RIMS2: variants seen among roughly 807,000 people sequenced by gnomAD.
RIMS2 encodes regulating synaptic membrane exocytosis protein 2.
RIMS2 carries 59 observed loss-of-function variants against 174.4 expected under a neutral mutation model. The observed-to-expected ratio is 0.34, with a 90% CI of 0.27 to 0.42. RIMS2 has a LOEUF of 0.42. RIMS2 is among the 10% of genes least tolerant of loss of function. RIMS2 has a pLI of 1.00. For synonymous variants in RIMS2, 606 were observed against 572.5 expected, an observed-to-expected ratio of 1.06 and a Z score of -0.84; for missense variants, 1,620 against 1,666.3, an observed-to-expected ratio of 0.97 and a Z score of 0.48.
intron 1 of RIMS2, among the ~76,000 whole-genome samples, chr8:103,529,259 C>T (rs1238982773): frequency 6.6e-6 from 1 of 152,104 alleles, no homozygotes; most frequent in East Asian, 1.9e-4. Flanking sequence ...TGAGACTTTG[C>T]TGAAGTTGCT....
At chr8:103,607,994 C>T (rs905851663) in intron 1 of RIMS2, among the ~76,000 whole-genome samples, 18 of 147,618 alleles carry the variant, frequency 1.2e-4, no homozygotes, top group Non-Finnish European at 1.9e-4. Context: ...GCCTTCTTCT[C>T]TCAGCTCGTC....
intron 1 of RIMS2, among the ~76,000 whole-genome samples, chr8:103,571,927 T>C (rs1211698769): frequency 6.6e-6 from 1 of 152,186 alleles, no homozygotes; most frequent in Non-Finnish European, 1.5e-5. Flanking sequence ...CCTCACATAT[T>C]TCTAATGCAA....
intron 19 of RIMS2, among the ~76,000 whole-genome samples, chr8:104,229,074 A>G (rs1247496248): frequency 6.6e-5 from 10 of 152,242 alleles, no homozygotes; most frequent in Admixed American, 6.5e-4. Flanking sequence ...TTAATATAAA[A>G]GTAAAATTAA....
chr8:103,922,246 T>C (rs937400777), intron 10 of RIMS2, among the ~76,000 whole-genome samples: 2 of 151,914 alleles, frequency 1.3e-5, no homozygotes, highest in Non-Finnish European at 2.9e-5. Flanking sequence ...TGCTATGAAA[T>C]AAAATGATAC....
Position 104,199,947 on chromosome 8 carries a change from G to A in RIMS2, c.3335-44969G>A, listed in dbSNP as rs145743931. Among the ~76,000 whole-genome samples the A allele has an allele frequency of 1.3e-3, 194 of 152,254 alleles. 1 individual carries two copies. The highest frequency in any genetic ancestry group is 4.1e-3 in the African/African-American group (171 of 41,540). ...GGTCCTACTTGGGGAAAGGAGGTAG[G>A]GAATGGCATGACAAATGAAATTGCC... On this transcript the variant is annotated intron_variant, in intron 19 of 23. Transcript: ENST00000504942.
rs925500150 is a variant in RIMS2, at chr8:103,918,501, A to G, written c.2083+14A>G. The G allele has an allele frequency of 2.5e-6, 4 of 1,575,820 alleles. No homozygotes were observed. The highest frequency in any genetic ancestry group is 1.7e-5 in the Admixed American group (1 of 59,890). Reference sequence around the variant, plus strand: ...AACTGGAGTCCAGTAAGTTTTATTTATGCTGGAAGAAAACGTTATTTATAA... The same window carrying G: ...AACTGGAGTCCAGTAAGTTTTATTTGTGCTGGAAGAAAACGTTATTTATAA... On this transcript the variant is annotated intron_variant, in intron 9 of 23. Coordinates refer to ENST00000504942, the Ensembl canonical transcript of RIMS2.
intron 3 of RIMS2, among the ~76,000 whole-genome samples, chr8:103,846,001 A>G (rs969570233): frequency 5.9e-5 from 9 of 152,248 alleles, no homozygotes; most frequent in African/African-American, 2.2e-4. Context: ...CAAACAAACC[A>G]TTCTTAAACT....
At chr8:103,900,309 C>T (rs1379052520) in intron 4 of RIMS2, among the ~76,000 whole-genome samples, 2 of 151,574 alleles carry the variant, frequency 1.3e-5, no homozygotes, top group Non-Finnish European at 2.9e-5. Context: ...CTACAGTCTC[C>T]ACCTCCTGGG....
intron 3 of RIMS2, among the ~76,000 whole-genome samples, chr8:103,779,017 A>G (rs2098353086): frequency 1.3e-5 from 2 of 152,092 alleles, no homozygotes; most frequent in African/African-American, 2.4e-5. Context: ...AACATTTTTC[A>G]TATACCTGTT....
At chr8:104,253,352 G>A (rs1311716584), downstream of RIMS2, 1 of 151,928 alleles carries the variant, frequency 6.6e-6, no homozygotes, top group Non-Finnish European at 1.5e-5. Flanking sequence ...CTAAAAATTG[G>A]GAACCCTGAA....
At chr8:103,678,171 T>C (rs1260211423) in intron 1 of RIMS2, among the ~76,000 whole-genome samples, 1 of 152,222 alleles carries the variant, frequency 6.6e-6, no homozygotes, top group East Asian at 1.9e-4. Context: ...CTTATTTTAC[T>C]GATGACAAGA....
chr8:104,231,808 G>C lies in RIMS2; in HGVS notation c.3335-13108G>C, dbSNP rs146766568. On this transcript the variant is annotated intron_variant, in intron 19 of 23. Coordinates refer to ENST00000504942, the Ensembl canonical transcript of RIMS2. The stretch of plus-strand genomic sequence containing the variant: ...TAAATATGTGCTATCTACTACATGA[G>C]GTATTAGCCACATGTGACTGTTTAA... 2.7e-3 allele frequency among the ~76,000 whole-genome samples: 418 copies of C among 152,008 alleles called. 6 individuals are homozygous for C. The highest frequency in any genetic ancestry group is 9.7e-3 in the African/African-American group (402 of 41,458).
chr8:103,684,801 G>T (rs1220507489), intron 1 of RIMS2, among the ~76,000 whole-genome samples: 2 of 151,804 alleles, frequency 1.3e-5, no homozygotes, highest in African/African-American at 4.8e-5. Flanking sequence ...TGGCCAGGTT[G>T]GTCTCAAACT....
chr8:103,785,491 T>G (rs954044864), intron 3 of RIMS2, among the ~76,000 whole-genome samples: 2 of 152,158 alleles, frequency 1.3e-5, no homozygotes, highest in African/African-American at 4.8e-5. Context: ...GGTTGTTGAA[T>G]TTTGTCAAAG....
intron 13 of RIMS2, among the ~76,000 whole-genome samples, chr8:103,937,024 G>A (rs565847413): frequency 6.6e-6 from 1 of 152,024 alleles, no homozygotes. Context: ...CGTGAGCCCG[G>A]GAGGCAGAGG....
intron 1 of RIMS2, among the ~76,000 whole-genome samples, chr8:103,645,039 A>G (rs2096299378): frequency 6.6e-6 from 1 of 151,968 alleles, no homozygotes; most frequent in Non-Finnish European, 1.5e-5. Flanking sequence ...ATTGTTCTTC[A>G]TTTTAATGAG....
chr8:103,625,403 TA>T (rs2095758137), intron 1 of RIMS2, among the ~76,000 whole-genome samples: 1 of 152,092 alleles, frequency 6.6e-6, no homozygotes, highest in Non-Finnish European at 1.5e-5. Context: ...AAGGCAGAAA[TA>T]AAAAATGGAT....
chr8:103,978,903 T>A (rs1036479650), intron 16 of RIMS2, among the ~76,000 whole-genome samples: 1 of 152,202 alleles, frequency 6.6e-6, no homozygotes, highest in African/African-American at 2.4e-5. Flanking sequence ...AGTATAAAAT[T>A]ACATAACATT....
At chr8:103,626,210 T>C (rs1456539271) in intron 1 of RIMS2, among the ~76,000 whole-genome samples, 1 of 152,206 alleles carries the variant, frequency 6.6e-6, no homozygotes, top group Admixed American at 6.5e-5. Flanking sequence ...AACAGAATTG[T>C]TGAATGTTGA....
Sources: allele counts gnomAD v4.1 joint callset (sites outside exome capture counted in the v4.1 genomes callset), GRCh38; gene constraint gnomAD v4.1.1; transcripts MANE v1.5; gene names NCBI Gene and HGNC (gene_info 2026-07-23, HGNC 2026-07-21).